LYPD6B: variants seen among roughly 807,000 people sequenced by gnomAD.
LYPD6B encodes the protein LY6/PLAUR domain containing 6B.
A neutral mutation model predicts 22.8 loss-of-function variants in LYPD6B; 17 were observed. The ratio of observed to expected loss-of-function variants is 0.75; its 90% CI spans 0.51 to 1.12. LYPD6B has a LOEUF of 1.12. Ranked by LOEUF, LYPD6B falls within the 50% of genes most tolerant of loss-of-function variation. LYPD6B has a pLI of 0.00. For synonymous variants in LYPD6B, 106 were observed against 91.6 expected (o/e 1.16, Z -0.90); for missense variants, 221 against 258.3 (o/e 0.86, Z 0.99).
At chr2:149,087,669 C>G (rs1444617920) in intron 1 of LYPD6B, among the ~76,000 whole-genome samples, 2 of 152,162 alleles carry the variant, frequency 1.3e-5, no homozygotes, top group Non-Finnish European at 2.9e-5. Flanking sequence ...CTAACAGGTA[C>G]TCACAGTTAC....
At chr2:149,077,155 A>G (rs1040826329) in intron 1 of LYPD6B, among the ~76,000 whole-genome samples, 1 of 152,224 alleles carries the variant, frequency 6.6e-6, no homozygotes, top group Admixed American at 6.5e-5. Flanking sequence ...AAAATGCCAC[A>G]GAACGCCCTG....
intron 3 of LYPD6B, among the ~76,000 whole-genome samples, chr2:149,174,643 T>C (rs1378857264): frequency 2.0e-5 from 3 of 152,158 alleles, no homozygotes; most frequent in Non-Finnish European, 4.4e-5. Flanking sequence ...GAGATAACCA[T>C]GTAGTTTTTG....
chr2:149,168,874 A>T (rs1411100403), intron 3 of LYPD6B, among the ~76,000 whole-genome samples: 1 of 152,206 alleles, frequency 6.6e-6, no homozygotes, highest in Non-Finnish European at 1.5e-5. Flanking sequence ...CCTTAGCAGT[A>T]TACCCAAACA....
intron 1 of LYPD6B, among the ~76,000 whole-genome samples, chr2:149,121,538 C>T (rs2105608984): frequency 6.6e-6 from 1 of 152,280 alleles, no homozygotes; most frequent in Non-Finnish European, 1.5e-5. Context: ...GCTATAGTCA[C>T]AGAAGTGTGT....
chr2:149,203,948 G>A (rs1047477793), intron 3 of LYPD6B, among the ~76,000 whole-genome samples: 4 of 152,170 alleles, frequency 2.6e-5, no homozygotes, highest in Admixed American at 2.6e-4. Flanking sequence ...ATTGCTCTGG[G>A]TTCAAACAAA....
intron 3 of LYPD6B, among the ~76,000 whole-genome samples, chr2:149,204,335 T>C (rs1319048407): frequency 6.6e-6 from 1 of 152,168 alleles, no homozygotes; most frequent in African/African-American, 2.4e-5. Context: ...GTTACATACT[T>C]TTTCTGCTGC....
intron 1 of LYPD6B, among the ~76,000 whole-genome samples, chr2:149,122,002 C>T (rs1253235412): frequency 2.0e-5 from 3 of 152,146 alleles, no homozygotes; most frequent in East Asian, 1.9e-4. Flanking sequence ...AAACCCCAAA[C>T]GAGAAAGAAA....
Position 149,205,255 on chromosome 2 carries a change from A to G in LYPD6B, c.80A>G (p.Tyr27Cys). The change falls in exon 4 of 7, where the codon TAT becomes TGT. Residue 27 changes from tyrosine (Y) to cysteine (C), a missense_variant and splice_region_variant. Physicochemically the swap from Tyr to Cys is radical, Grantham distance 194. Coordinates refer to ENST00000409642, the MANE Select transcript of LYPD6B (RefSeq NM_177964.5). ...ACCAGTGTGTCTTTTCACCATAGAT[A>G]TAAGAGTTCGGACCGCCCAGCACAC... The part of the protein sequence containing the change: ...SLTTTFSFSR[Y>C]KSSDRPAHKV... 1.2e-6 allele frequency: 2 copies of G among 1,609,764 alleles called. No homozygotes were observed. Among genetic ancestry groups the G allele is most frequent in the Non-Finnish European group, 1.7e-6 (2 of 1,178,716 alleles).
At chr2:149,148,097 A>G (rs925370200) in intron 2 of LYPD6B, among the ~76,000 whole-genome samples, 2 of 152,186 alleles carry the variant, frequency 1.3e-5, no homozygotes, top group African/African-American at 4.8e-5. Flanking sequence ...AAATATCTCT[A>G]TGCAATATTC....
intron 1 of LYPD6B, among the ~76,000 whole-genome samples, chr2:149,111,078 G>A (rs1686734696): frequency 6.6e-6 from 1 of 152,108 alleles, no homozygotes. Context: ...TTGTGAGGAT[G>A]GGCAAGGAGG....
chr2:149,208,953 T>C lies in LYPD6B; in HGVS notation c.328+541T>C, dbSNP rs557492965. 5.3e-5 allele frequency among the ~76,000 whole-genome samples: 8 copies of C among 152,232 alleles called. No homozygotes were observed. The South Asian group carries it at 6.2e-4, about 12-fold the overall frequency. ...CTTAGAACTACGACCTGAGTGACCATAGCAAGCTGCCACGTGGAGATCTGT... is the reference window on the plus strand; with the variant it reads ...CTTAGAACTACGACCTGAGTGACCACAGCAAGCTGCCACGTGGAGATCTGT... On this transcript the variant is annotated intron_variant, in intron 5 of 6. Coordinates refer to ENST00000409642, the MANE Select transcript of LYPD6B (RefSeq NM_177964.5).
At position 149,187,400 on chromosome 2, in the gene LYPD6B, A is replaced by G. The variant is rs1409521839; in HGVS notation, c.78-17853A>G. ...TGCCATGGTCCCATGACTTGATACAATTGTTATAAGATTATTATTTTCTAG... is the reference window on the plus strand; with the variant it reads ...TGCCATGGTCCCATGACTTGATACAGTTGTTATAAGATTATTATTTTCTAG... On this transcript the variant is annotated intron_variant, in intron 3 of 6. Transcript: ENST00000409642. 2.0e-6 allele frequency: 3 copies of G among 1,505,008 alleles called. No homozygotes were observed. In the East Asian group the frequency reaches 7.8e-5, roughly 39 times the overall value. 93.2% of individuals were successfully genotyped at this position (1,505,008 alleles called of 1,614,324 possible).
intron 3 of LYPD6B, among the ~76,000 whole-genome samples, chr2:149,179,460 CA>C (rs1272656752): frequency 2.0e-5 from 3 of 152,254 alleles, no homozygotes; most frequent in Admixed American, 6.5e-5. Context: ...ATATTCCTAA[CA>C]GGGGTGATTA....
chr2:149,157,298 A>C (rs1689767832), intron 2 of LYPD6B, among the ~76,000 whole-genome samples: 1 of 141,460 alleles, frequency 7.1e-6, no homozygotes, highest in African/African-American at 2.5e-5. Flanking sequence ...TTTAAAAAAA[A>C]ACCTATTGCT....
chr2:149,140,622 T>C (rs1356878617), intron 2 of LYPD6B, among the ~76,000 whole-genome samples: 2 of 152,194 alleles, frequency 1.3e-5, no homozygotes, highest in Non-Finnish European at 2.9e-5. Context: ...CTCTTTAAGC[T>C]TATCCTTGCA....
intron 4 of LYPD6B, chr2:149,206,020 C>CA (rs1559078561): frequency 6.4e-6 from 3 of 468,834 alleles, no homozygotes; most frequent in Non-Finnish European, 1.3e-5. Context: ...TCTTTTCAGA[C>CA]AAGTAAAACG....
chr2:149,051,719 G>T (rs1019802790), intron 1 of LYPD6B, among the ~76,000 whole-genome samples: 66 of 152,020 alleles, frequency 4.3e-4, no homozygotes, highest in Non-Finnish European at 8.8e-5. Flanking sequence ...AGACTGAAGT[G>T]CAGTGGTGCA....
intron 1 of LYPD6B, among the ~76,000 whole-genome samples, chr2:149,109,386 T>C (rs1182534767): frequency 6.6e-6 from 1 of 152,176 alleles, no homozygotes; most frequent in African/African-American, 2.4e-5. Context: ...TCTGTTGTCC[T>C]CCTGATCTTT....
chr2:149,114,747 C>G (rs954017792), intron 1 of LYPD6B, among the ~76,000 whole-genome samples: 1 of 152,184 alleles, frequency 6.6e-6, no homozygotes, highest in Non-Finnish European at 1.5e-5. Flanking sequence ...AGGACTAATT[C>G]TAGCTATTTC....
Sources: gnomAD v4.1 joint callset for allele counts (sites outside exome capture counted in the v4.1 genomes callset) on GRCh38, gnomAD v4.1.1 for gene constraint, MANE v1.5 for transcripts, NCBI Gene and HGNC (gene_info 2026-07-23, HGNC 2026-07-21) for gene names.